Variants in MCOLN3 observed in about 807,000 individuals in gnomAD.
The protein encoded by MCOLN3 is mucolipin TRP cation channel 3.
MCOLN3 carries 62 observed loss-of-function variants against 69.4 expected under a neutral mutation model. The observed-to-expected ratio is 0.89, with a 90% CI of 0.73 to 1.10. The LOEUF is 1.10. Ranked by LOEUF, MCOLN3 falls within the 50% of genes least tolerant of loss-of-function variation. The pLI is 0.00. For synonymous variants in MCOLN3, 183 were observed against 217.0 expected (o/e 0.84, Z 1.38); for missense variants, 564 against 656.4 (o/e 0.86, Z 1.54).
At chr1:85,040,343 T>C (rs1652999142) in intron 3 of MCOLN3, among the ~76,000 whole-genome samples, 1 of 152,246 alleles carries the variant, frequency 6.6e-6, no homozygotes. Flanking sequence ...GTAATAATTT[T>C]GAAATGTGTC....
chr1:85,045,465 G>T (rs989603711), intron 1 of MCOLN3, 103 bp from the exon 2 acceptor site: 1 of 905,104 alleles, frequency 1.1e-6, no homozygotes, highest in Non-Finnish European at 1.6e-6. Flanking sequence ...CCATACAGAA[G>T]TCCTGGTTTC....
At chr1:85,027,611 C>T (rs937754482) in intron 7 of MCOLN3, among the ~76,000 whole-genome samples, 2 of 152,160 alleles carry the variant, frequency 1.3e-5, no homozygotes, top group Non-Finnish European at 2.9e-5. Flanking sequence ...TCTGCAAGCC[C>T]TCCAGGTGAT....
At chr1:85,036,905 C>T (rs1293182204) in intron 3 of MCOLN3, 3 of 152,208 alleles carry the variant, frequency 2.0e-5, no homozygotes, top group African/African-American at 7.2e-5. Flanking sequence ...TGTTTAAAAT[C>T]TATCTCCCCC....
chr1:85,045,076 T>C (rs1653274715), intron 2 of MCOLN3, 57 bp downstream of exon 2: 23 of 1,366,936 alleles, frequency 1.7e-5, no homozygotes, highest in Non-Finnish European at 2.3e-5. Context: ...CCACTGTCCA[T>C]AGTTATCTTT....
chr1:85,033,066 A>G (rs1652620208), intron 4 of MCOLN3, 110 bp from the exon 5 acceptor site: 1 of 977,968 alleles, frequency 1.0e-6, no homozygotes. Context: ...TTCAGATTCT[A>G]TTATTTTTCT....
At chr1:85,043,004 C>T (rs1392393395) in intron 2 of MCOLN3, among the ~76,000 whole-genome samples, 1 of 152,142 alleles carries the variant, frequency 6.6e-6, no homozygotes, top group African/African-American at 2.4e-5. Flanking sequence ...TATCTTAAAC[C>T]ATTGTTCAGT....
At chr1:85,043,438 G>A (rs752376300) in intron 2 of MCOLN3, among the ~76,000 whole-genome samples, 2 of 151,830 alleles carry the variant, frequency 1.3e-5, no homozygotes, top group Non-Finnish European at 2.9e-5. Context: ...GCTGAGGCAG[G>A]AGAATCGCTT....
chr1:85,032,583 A>G (rs927251787), intron 6 of MCOLN3, 113 bp downstream of exon 6: 4 of 813,062 alleles, frequency 4.9e-6, no homozygotes, highest in Non-Finnish European at 6.4e-6. Context: ...TGCACATTCA[A>G]GTGAAAACAT....
intron 12 of MCOLN3, 129 bp downstream of exon 12, chr1:85,020,941 G>T: frequency 1.7e-6 from 1 of 599,006 alleles, no homozygotes; most frequent in South Asian, 3.1e-5. Context: ...CTAAAAATAA[G>T]GTCCTTTTTC....
Position 85,019,061 on chromosome 1 carries a change from CCA to C in MCOLN3, c.*60_*61del, listed in dbSNP as rs1219169234. 3 of 1,510,286 alleles carry C rather than the reference CCA, an allele frequency of 2.0e-6. No homozygotes were observed. Among genetic ancestry groups the C allele is most frequent in the African/African-American group, 1.4e-5 (1 of 72,174 alleles). 93.6% of individuals were successfully genotyped at this position (1,510,286 alleles called of 1,614,324 possible). A position where few individuals can be genotyped will look rare whatever the true frequency, so the allele number is the denominator to read the frequency against. On this transcript the variant is annotated 3_prime_UTR_variant, in exon 13 of 13. Transcript: ENST00000370589. Reference sequence around the variant, plus strand: ...CATACTACATCTGATCTCAGAATATCCACAGTGTTCCAACTCAGCTACACATT... The same window carrying C: ...CATACTACATCTGATCTCAGAATATCCAGTGTTCCAACTCAGCTACACATT...
chr1:85,040,243 A>G (rs1652994911), intron 3 of MCOLN3, among the ~76,000 whole-genome samples: 1 of 152,154 alleles, frequency 6.6e-6, no homozygotes, highest in Non-Finnish European at 1.5e-5. Flanking sequence ...TATGTATTTT[A>G]TCCTAGCAGT....
intron 1 of MCOLN3, among the ~76,000 whole-genome samples, chr1:85,046,108 C>T (rs932517412): frequency 3.3e-5 from 5 of 152,206 alleles, no homozygotes; most frequent in African/African-American, 7.2e-5. Flanking sequence ...CTAACACCCA[C>T]AGCAGACAGG....
At chr1:85,025,685 A>G (rs1652178902) in intron 9 of MCOLN3, 2 of 364,504 alleles carry the variant, frequency 5.5e-6, no homozygotes, top group South Asian at 7.8e-5. Context: ...GTCTGAATTC[A>G]GTAGGTCTAA....
intron 3 of MCOLN3, among the ~76,000 whole-genome samples, chr1:85,035,103 A>T (rs1652741497): frequency 1.3e-5 from 2 of 152,324 alleles, no homozygotes; most frequent in East Asian, 3.9e-4. Flanking sequence ...CCTAGTTCTC[A>T]GTCCTCCTAT....
chr1:85,046,508 C>T (rs773223597), intron 1 of MCOLN3, among the ~76,000 whole-genome samples: 38 of 152,210 alleles, frequency 2.5e-4, no homozygotes, highest in East Asian at 9.6e-4. Context: ...TCCTTCCATA[C>T]GGAATAGAAA....
chr1:85,019,064 C>A lies in MCOLN3; in HGVS notation c.*59G>T. ...ACTACATCTGATCTCAGAATATCCA[C>A]AGTGTTCCAACTCAGCTACACATTA... On this transcript the variant is annotated 3_prime_UTR_variant, in exon 13 of 13. Coordinates refer to ENST00000370589, the MANE Select transcript of MCOLN3 (RefSeq NM_018298.11). 6.5e-7 allele frequency: 1 copy of A among 1,528,822 alleles called. No individual in the cohort carries two copies. The allele number at this position is 1,528,822 out of a possible 1,614,324, so 94.7% of individuals were successfully genotyped here. A position where few individuals can be genotyped will look rare whatever the true frequency, so the allele number is the denominator to read the frequency against.
At chr1:85,031,726 A>T (rs1045636288) in intron 6 of MCOLN3, among the ~76,000 whole-genome samples, 1 of 152,152 alleles carries the variant, frequency 6.6e-6, no homozygotes, top group Non-Finnish European at 1.5e-5. Context: ...ATGGGCAAAT[A>T]AAAAAATGTT....
intron 1 of MCOLN3, among the ~76,000 whole-genome samples, 167 bp downstream of exon 1, chr1:85,048,229 C>G (rs1018286323): frequency 6.6e-6 from 1 of 152,014 alleles, no homozygotes; most frequent in Non-Finnish European, 1.5e-5. Flanking sequence ...CTGCATCTCG[C>G]GCCCAGCTCC....
chr1:85,038,012 G>C (rs908218070), intron 3 of MCOLN3, among the ~76,000 whole-genome samples: 1 of 152,174 alleles, frequency 6.6e-6, no homozygotes, highest in East Asian at 1.9e-4. Flanking sequence ...GGTAGGGCAG[G>C]GTGGGTAGGA....
Sources: gnomAD v4.1 joint callset for allele counts (sites outside exome capture counted in the v4.1 genomes callset) on GRCh38, gnomAD v4.1.1 for gene constraint, MANE v1.5 for transcripts, NCBI Gene and HGNC (gene_info 2026-07-23, HGNC 2026-07-21) for gene names.